Variants in SLC71A2 observed in about 807,000 individuals in gnomAD.
The protein encoded by SLC71A2 is hippocampus abundant transcript-like 1.
the SLC71A2 span, chr9:94,454,113 C>T: frequency 7.3e-7 from 1 of 1,370,342 alleles, no homozygotes; most frequent in African/African-American, 1.4e-5. Flanking sequence ...CAGACAGATG[C>T]CTCTTAGAGG....
At chr9:94,397,275 C>T in the SLC71A2 span, among the ~76,000 whole-genome samples, 2 of 152,116 alleles carry the variant, frequency 1.3e-5, no homozygotes, top group Admixed American at 6.5e-5. Flanking sequence ...TGGCATGGTA[C>T]ATTTGTCAAA....
At chr9:94,451,482 T>C in the SLC71A2 span, 1 of 1,573,826 alleles carries the variant, frequency 6.4e-7, no homozygotes, top group South Asian at 1.2e-5. Flanking sequence ...CTGTTAAAAT[T>C]GCAGCATTCA....
chr9:94,420,807 G>A, the SLC71A2 span, among the ~76,000 whole-genome samples: 4 of 152,068 alleles, frequency 2.6e-5, no homozygotes, highest in Non-Finnish European at 5.9e-5. Context: ...GCTGAGAAAG[G>A]AGAATCGCTT....
At chr9:94,457,150 G>A in the SLC71A2 span, among the ~76,000 whole-genome samples, 1 of 152,034 alleles carries the variant, frequency 6.6e-6, no homozygotes, top group East Asian at 1.9e-4. Context: ...ATTTTTAGTG[G>A]AGATGGGGTT....
chr9:94,409,458 A>G, the SLC71A2 span, among the ~76,000 whole-genome samples: 1 of 150,736 alleles, frequency 6.6e-6, no homozygotes, highest in East Asian at 1.9e-4. Context: ...GATTTTGTCG[A>G]TTTTTCTGTA....
chr9:94,415,230 C>T, the SLC71A2 span: 1 of 1,613,490 alleles, frequency 6.2e-7, no homozygotes, highest in Non-Finnish European at 8.5e-7. Flanking sequence ...TGCGTGGGGC[C>T]TGTTGACAAC....
chr9:94,405,364 G>T, the SLC71A2 span, among the ~76,000 whole-genome samples: 7 of 151,876 alleles, frequency 4.6e-5, no homozygotes, highest in African/African-American at 9.7e-5. Context: ...GCATGGTGGC[G>T]GGCGCCTGTA....
the SLC71A2 span, chr9:94,445,244 G>A: frequency 2.2e-6 from 3 of 1,334,540 alleles, no homozygotes; most frequent in South Asian, 3.9e-5. Context: ...GCAAATGAAA[G>A]TATGTATGTG....
chr9:94,409,171 C>T, the SLC71A2 span, among the ~76,000 whole-genome samples: 1 of 112,322 alleles, frequency 8.9e-6, no homozygotes, highest in East Asian at 3.0e-4. Flanking sequence ...CAAGGTTTCA[C>T]TCCCTTCTCC....
chr9:94,459,834 CTCT>C, the SLC71A2 span: 22 of 169,010 alleles, frequency 1.3e-4, no homozygotes, highest in Non-Finnish European at 1.9e-4. Context: ...GGTAAAGAAT[CTCT>C]TCTTAATTTC....
At chr9:94,414,276 C>G in the SLC71A2 span, among the ~76,000 whole-genome samples, 1 of 152,010 alleles carries the variant, frequency 6.6e-6, no homozygotes, top group African/African-American at 2.4e-5. Flanking sequence ...TTGGAGGGGA[C>G]AGGGAAAACG....
chr9:94,437,197 T>C, the SLC71A2 span, among the ~76,000 whole-genome samples: 1 of 141,280 alleles, frequency 7.1e-6, no homozygotes, highest in African/African-American at 2.7e-5. Flanking sequence ...AGGAGCCGGG[T>C]TTTGGAGTGT....
At chr9:94,454,506 T>C in the SLC71A2 span, among the ~76,000 whole-genome samples, 1 of 149,148 alleles carries the variant, frequency 6.7e-6, no homozygotes, top group African/African-American at 2.6e-5. Context: ...TAGCTAGGAT[T>C]ACAGGCATTC....
chr9:94,425,172 C>T, the SLC71A2 span, among the ~76,000 whole-genome samples: 7 of 151,956 alleles, frequency 4.6e-5, no homozygotes, highest in South Asian at 4.2e-4. Context: ...GGCATGGTGA[C>T]GCACTCCTGT....
the SLC71A2 span, among the ~76,000 whole-genome samples, chr9:94,377,528 C>A: frequency 9.0e-6 from 1 of 111,574 alleles, no homozygotes; most frequent in Non-Finnish European, 1.7e-5. Context: ...TGCCACCATG[C>A]CTGGCTTTTT....
the SLC71A2 span, among the ~76,000 whole-genome samples, chr9:94,424,078 G>GA: frequency 1.3e-5 from 2 of 152,082 alleles, no homozygotes; most frequent in African/African-American, 4.8e-5. Flanking sequence ...ATCATTTATT[G>GA]AAAAAATTCT....
chr9:94,415,382 A>G, the SLC71A2 span: 2 of 648,570 alleles, frequency 3.1e-6, no homozygotes, highest in Non-Finnish European at 5.3e-6. Context: ...AGCTTGTTTC[A>G]TTGTTTTTTT....
the SLC71A2 span, among the ~76,000 whole-genome samples, chr9:94,411,814 C>T: frequency 6.6e-6 from 1 of 152,040 alleles, no homozygotes; most frequent in Non-Finnish European, 1.5e-5. Context: ...TTGTCATGAA[C>T]TCCTGACCTC....
At chr9:94,450,507 T>TTTTTTTTTTTTTTTTG in the SLC71A2 span, among the ~76,000 whole-genome samples, 1 of 137,220 alleles carries the variant, frequency 7.3e-6, no homozygotes, top group South Asian at 2.2e-4. Flanking sequence ...TTTTTTTTTT[T>TTTTTTTTTTTTTTTTG]GAGATGGAGT....
Sources: gnomAD v4.1 joint callset for allele counts (sites outside exome capture counted in the v4.1 genomes callset) on GRCh38, gnomAD v4.1.1 for gene constraint, MANE v1.5 for transcripts, NCBI Gene and HGNC (gene_info 2026-07-23, HGNC 2026-07-21) for gene names.